The following CRELD2 variants were observed in gnomAD, a reference collection of about 807,000 sequenced individuals.
The protein encoded by CRELD2 is CRELD disulfide isomerase 2.
In CRELD2, 33 loss-of-function variants were observed where a neutral mutation model predicts 48.1. That is an observed-to-expected ratio of 0.69 (90% CI 0.52 to 0.92). The LOEUF is 0.92. Ranked by LOEUF, CRELD2 falls within the 40% of genes least tolerant of loss-of-function variation. The pLI is 0.00. For missense variants in CRELD2, 477 were observed against 482.4 expected, an observed-to-expected ratio of 0.99 and a Z score of 0.10; for synonymous variants, 220 against 203.9, an observed-to-expected ratio of 1.08 and a Z score of -0.67.
At chr22:49,921,353 G>A (rs1344182169) in intron 4 of CRELD2, 2 of 557,262 alleles carry the variant, frequency 3.6e-6, no homozygotes, top group Non-Finnish European at 6.4e-6. Flanking sequence ...TCATCATGCA[G>A]CACGTGGCCA....
Position 49,925,681 on chromosome 22 carries a change from C to T in CRELD2, c.1009+124C>T, listed in dbSNP as rs780570257. On this transcript the variant is annotated intron_variant, in intron 9 of 9. Transcript: ENST00000328268. ...GCCTTGAGATGGTGAGAGGGGGATT[C>T]CCGGAAGACAGGTGCATGACATCTC... 39 of 1,527,566 alleles carry T rather than the reference C, an allele frequency of 2.6e-5. No homozygotes were observed. The East Asian group carries it at 8.6e-4, about 34-fold the overall frequency. The allele number at this position is 1,527,566 out of a possible 1,614,324, so 94.6% of individuals were successfully genotyped here.
At position 49,923,336 on chromosome 22, in the gene CRELD2, T is replaced by TCTACACTCCGGGGC; in HGVS notation, c.772+21_772+22insACACTCCGGGGCCT. The TCTACACTCCGGGGC allele has an allele frequency of 6.4e-7, 1 of 1,564,984 alleles. No homozygotes were observed. Among genetic ancestry groups the TCTACACTCCGGGGC allele is most frequent in the Non-Finnish European group, 8.8e-7 (1 of 1,140,138 alleles). On this transcript the variant is annotated intron_variant, in intron 7 of 9. Transcript: ENST00000328268. ...TGCGAAGGTGGGCCAGGCGGGCGGG[T>TCTACACTCCGGGGC]CTGCACTCCGGGGCCTGCCGGGTTT...
chr22:49,921,389 T>A, intron 4 of CRELD2, 196 bp from the exon 5 acceptor site: 1 of 602,644 alleles, frequency 1.7e-6, no homozygotes, highest in Non-Finnish European at 2.9e-6. Context: ...GCCTGTGGCT[T>A]GCTCCACTCA....
chr22:49,922,419 G>A (rs1200489776), intron 5 of CRELD2, 193 bp from the exon 6 acceptor site: 1 of 1,604,580 alleles, frequency 6.2e-7, no homozygotes, highest in Non-Finnish European at 8.5e-7. Context: ...CAGCTCCAGA[G>A]TATGGATAGC....
At chr22:49,927,103 G>T in intron 9 of CRELD2, 152 bp from the exon 10 acceptor site, 1 of 714,062 alleles carries the variant, frequency 1.4e-6, no homozygotes. Context: ...TGGGAAACGG[G>T]GGTCTCCGAG....
intron 4 of CRELD2, 100 bp from the exon 5 acceptor site, chr22:49,921,485 G>A (rs1336928682): frequency 3.2e-6 from 4 of 1,250,726 alleles, no homozygotes; most frequent in African/African-American, 1.5e-5. Context: ...TACGTCCTCA[G>A]AATCGTACAG....
intron 5 of CRELD2, chr22:49,922,353 C>T (rs751671705): frequency 1.5e-5 from 24 of 1,611,050 alleles, no homozygotes; most frequent in African/African-American, 9.4e-5. Flanking sequence ...TGGATGTTGG[C>T]GTGGCGTGGG....
chr22:49,927,171 C>T lies in CRELD2; in HGVS notation c.1010-84C>T, dbSNP rs1462428141. 2.4e-6 allele frequency: 3 copies of T among 1,233,212 alleles called. No homozygotes were observed. The African/African-American group carries it at 4.5e-5, about 18-fold the overall frequency. The allele number at this position is 1,233,212 out of a possible 1,614,324, so 76.4% of individuals were successfully genotyped here. A position where few individuals can be genotyped will look rare whatever the true frequency, so the allele number is the denominator to read the frequency against. The stretch of plus-strand genomic sequence containing the variant: ...GCCAGGACTGGACGGGCAGGCCCTG[C>T]ACATGCGCTGCTGTCCTGGGAAAGG... On this transcript the variant is annotated intron_variant, in intron 9 of 9. Coordinates refer to ENST00000328268, the MANE Select transcript of CRELD2 (RefSeq NM_024324.5).
chr22:49,927,013 G>T (rs1031735622), intron 9 of CRELD2, among the ~76,000 whole-genome samples: 1 of 144,948 alleles, frequency 6.9e-6, no homozygotes. Context: ...ACCCCTTGCC[G>T]CTCCCAACTC....
intron 5 of CRELD2, chr22:49,922,205 G>A (rs1432871996): frequency 2.9e-6 from 4 of 1,386,770 alleles, no homozygotes; most frequent in South Asian, 1.5e-5. Flanking sequence ...GTGAGTGTGT[G>A]GTTGGCCGGC....
chr22:49,927,226 C>T (rs774369583), intron 9 of CRELD2, 29 bp from the exon 10 acceptor site: 34 of 1,609,404 alleles, frequency 2.1e-5, no homozygotes, highest in Admixed American at 1.8e-4. Flanking sequence ...TGTGCTCAGC[C>T]TTGACGACCT....
intron 4 of CRELD2, 88 bp downstream of exon 4, chr22:49,920,335 C>A: frequency 1.1e-6 from 1 of 921,408 alleles, no homozygotes; most frequent in Non-Finnish European, 1.7e-6. Context: ...ACAGAGGGGA[C>A]CTGGGGTGCA....
chr22:49,924,411 A>C lies in CRELD2; in HGVS notation c.824A>C (p.Lys275Thr). ...ACAGGGGAAGGCCCAGGAAACTGTA[A>C]AGAGTGTATCTCTGGCTACGCGAGG... is the stretch of plus-strand genomic sequence containing the variant. ...GCTGEGPGNC[K>T]ECISGYAREH... is the part of the protein sequence containing the mutation. Residue 275 changes from lysine to threonine, a missense_variant, in exon 8 of 10, where the codon AAA becomes ACA. Physicochemically the swap from Lys to Thr is moderately conservative, Grantham distance 78. Coordinates refer to ENST00000328268, the MANE Select transcript of CRELD2 (RefSeq NM_024324.5). The C allele has an allele frequency of 6.2e-7, 1 of 1,612,764 alleles. No homozygotes were observed. Among genetic ancestry groups the C allele is most frequent in the East Asian group, 2.2e-5 (1 of 44,854 alleles).
intron 7 of CRELD2, chr22:49,923,873 C>T: frequency 4.1e-6 from 1 of 245,416 alleles, no homozygotes; most frequent in Non-Finnish European, 8.0e-6. Context: ...GCCATAGTGC[C>T]CCAGAAAAGT....
intron 5 of CRELD2, 197 bp downstream of exon 5, chr22:49,921,958 A>T: frequency 1.6e-6 from 1 of 625,980 alleles, no homozygotes; most frequent in Non-Finnish European, 2.8e-6. Flanking sequence ...CCTGTCCCGT[A>T]ACAGCCCTCA....
At chr22:49,919,014 C>T in intron 1 of CRELD2, 116 bp downstream of exon 1, 1 of 976,942 alleles carries the variant, frequency 1.0e-6, no homozygotes. Context: ...CGGGGTCCCC[C>T]TCACCCTGGA....
chr22:49,920,640 C>T (rs901664786), intron 4 of CRELD2, among the ~76,000 whole-genome samples: 1 of 152,238 alleles, frequency 6.6e-6, no homozygotes, highest in South Asian at 2.1e-4. Flanking sequence ...TTGCAGAGAG[C>T]GCAGGGCACT....
At chr22:49,925,827 G>C (rs1017317426) in intron 9 of CRELD2, 45 of 1,107,902 alleles carry the variant, frequency 4.1e-5, no homozygotes, top group Non-Finnish European at 5.2e-5. Flanking sequence ...CTCAGCGGGC[G>C]ATGAGCAGAG....
intron 6 of CRELD2, 75 bp downstream of exon 6, chr22:49,922,782 G>T (rs1380484089): frequency 5.8e-6 from 1 of 171,032 alleles, no homozygotes. Context: ...CGTAAGGCGT[G>T]GGGGGTGTGA....
Sources: gnomAD v4.1 joint callset for allele counts (sites outside exome capture counted in the v4.1 genomes callset) on GRCh38, gnomAD v4.1.1 for gene constraint, MANE v1.5 for transcripts, NCBI Gene and HGNC (gene_info 2026-07-23, HGNC 2026-07-21) for gene names.